ICA1: variants seen among roughly 807,000 people sequenced by gnomAD.
The protein encoded by ICA1 is 69 kDa islet cell autoantigen.
In ICA1, 40 loss-of-function variants were observed where a neutral mutation model predicts 71.0. The ratio of observed to expected loss-of-function variants is 0.56; its 90% CI spans 0.44 to 0.73. ICA1 has a LOEUF of 0.73. ICA1 is among the 30% of genes least tolerant of loss of function. The pLI is 0.00. For missense variants in ICA1, 578 were observed against 576.5 expected, an observed-to-expected ratio of 1.00 and a Z score of -0.03; for synonymous variants, 207 against 209.5, an observed-to-expected ratio of 0.99 and a Z score of 0.10.
intron 8 of ICA1, among the ~76,000 whole-genome samples, chr7:8,148,042 G>A (rs918718162): frequency 2.0e-5 from 3 of 152,110 alleles, no homozygotes; most frequent in Admixed American, 2.0e-4. Flanking sequence ...GACCTGCTAC[G>A]GGGTGGCATC....
At chr7:8,209,415 C>A (rs894556500) in intron 6 of ICA1, among the ~76,000 whole-genome samples, 14 of 152,116 alleles carry the variant, frequency 9.2e-5, no homozygotes, top group Non-Finnish European at 7.4e-5. Context: ...TAGATGGTAT[C>A]TTCTAGGATG....
chr7:8,170,768 G>A (rs2128231144), intron 6 of ICA1, among the ~76,000 whole-genome samples: 1 of 152,106 alleles, frequency 6.6e-6, no homozygotes, highest in Middle Eastern at 3.4e-3. Context: ...TACACATGCT[G>A]TCCAAGAATG....
chr7:8,156,897 G>C (rs1396961997), intron 8 of ICA1: 1 of 1,521,972 alleles, frequency 6.6e-7, no homozygotes, highest in Non-Finnish European at 8.8e-7. Flanking sequence ...TTGGATTGCA[G>C]TAGATTCTCA....
At chr7:8,230,487 A>G (rs1275744614) in intron 3 of ICA1, among the ~76,000 whole-genome samples, 1 of 152,244 alleles carries the variant, frequency 6.6e-6, no homozygotes, top group Non-Finnish European at 1.5e-5. Flanking sequence ...ACATTTCTGC[A>G]ACAGAAACCT....
intron 13 of ICA1, among the ~76,000 whole-genome samples, chr7:8,118,912 A>G (rs993091453): frequency 3.9e-5 from 6 of 152,216 alleles, no homozygotes; most frequent in Non-Finnish European, 8.8e-5. Flanking sequence ...CTCACGAGCC[A>G]ATGCTGACCT....
chr7:8,227,272 G>C (rs1798877388), intron 4 of ICA1, among the ~76,000 whole-genome samples: 1 of 152,148 alleles, frequency 6.6e-6, no homozygotes, highest in African/African-American at 2.4e-5. Context: ...AGAAAGCAGA[G>C]GTGGAGGCAA....
At chr7:8,194,353 C>T (rs945471396) in intron 6 of ICA1, among the ~76,000 whole-genome samples, 7 of 152,282 alleles carry the variant, frequency 4.6e-5, no homozygotes, top group Admixed American at 3.3e-4. Context: ...TTACTTTTTA[C>T]AAAAGTTCAT....
intron 10 of ICA1, among the ~76,000 whole-genome samples, chr7:8,140,451 C>T (rs1343876429): frequency 6.6e-6 from 1 of 152,240 alleles, no homozygotes; most frequent in Admixed American, 6.5e-5. Flanking sequence ...GTTCCCTGAT[C>T]TCCTAAAAAA....
intron 13 of ICA1, chr7:8,116,555 GATAAGGC>G (rs1437388071): frequency 6.6e-6 from 1 of 152,220 alleles, no homozygotes; most frequent in African/African-American, 2.4e-5. Context: ...TATTGCTATG[GATAAGGC>G]ATCTTTGCTT....
chr7:8,156,249 A>G (rs1209756636), intron 8 of ICA1, among the ~76,000 whole-genome samples: 3 of 152,266 alleles, frequency 2.0e-5, no homozygotes, highest in Non-Finnish European at 4.4e-5. Context: ...GTTTAAAGCA[A>G]AAGAAATGCA....
chr7:8,125,077 C>T (rs1788642698), intron 13 of ICA1, among the ~76,000 whole-genome samples: 1 of 152,146 alleles, frequency 6.6e-6, no homozygotes, highest in Non-Finnish European at 1.5e-5. Flanking sequence ...GTATGAGCCA[C>T]CTTGCCCGGG....
intron 10 of ICA1, among the ~76,000 whole-genome samples, chr7:8,140,858 T>C (rs1031850145): frequency 1.3e-5 from 2 of 151,936 alleles, no homozygotes; most frequent in Admixed American, 6.6e-5. Context: ...AAAAGGAAGA[T>C]AGAGGGTGAA....
At chr7:8,178,169 C>A (rs1781162015) in intron 6 of ICA1, among the ~76,000 whole-genome samples, 1 of 152,190 alleles carries the variant, frequency 6.6e-6, no homozygotes, top group African/African-American at 2.4e-5. Context: ...CATCCCCTTC[C>A]ATGTTGTTCC....
chr7:8,233,751 G>A (rs929372846), intron 2 of ICA1, among the ~76,000 whole-genome samples: 1 of 152,054 alleles, frequency 6.6e-6, no homozygotes, highest in African/African-American at 2.4e-5. Flanking sequence ...TAAGACGGTT[G>A]ACTTCATGTT....
intron 12 of ICA1, among the ~76,000 whole-genome samples, chr7:8,129,849 C>T: frequency 8.1e-6 from 1 of 123,698 alleles, no homozygotes; most frequent in Non-Finnish European, 1.7e-5. Flanking sequence ...GGTATCCCTC[C>T]CCCCTCCCCC....
intron 1 of ICA1, among the ~76,000 whole-genome samples, chr7:8,259,121 T>C (rs1811310832): frequency 6.6e-6 from 1 of 152,178 alleles, no homozygotes; most frequent in Non-Finnish European, 1.5e-5. Flanking sequence ...AGCCCCCAAA[T>C]GATTCTCTGG....
rs1796344209 is a variant in ICA1, at chr7:8,144,846, G to C, written c.805-874C>G. 6.6e-6 allele frequency among the ~76,000 whole-genome samples: 1 copy of C among 152,130 alleles called. No individual in the cohort carries two copies. The highest frequency in any genetic ancestry group is 1.5e-5 in the Non-Finnish European group (1 of 68,022). On this transcript the variant is annotated intron_variant, in intron 8 of 13. Transcript: ENST00000402384. The surrounding 1 kb of genome is among the most constrained non-coding windows in gnomAD (Gnocchi z 4.5). ...TATTCTCAGAACTACTAAAATCCAA[G>C]TCATGAGCCTGGGGCCTTCACCTTG...
intron 3 of ICA1, among the ~76,000 whole-genome samples, chr7:8,230,210 A>G (rs1799834239): frequency 6.6e-6 from 1 of 152,228 alleles, no homozygotes; most frequent in African/African-American, 2.4e-5. Context: ...GTTTTTCAGA[A>G]AAGGATTTCA....
chr7:8,180,773 T>C (rs551611014), intron 6 of ICA1, among the ~76,000 whole-genome samples: 1 of 152,172 alleles, frequency 6.6e-6, no homozygotes, highest in African/African-American at 2.4e-5. Flanking sequence ...GATATTTCCT[T>C]TTGTCAAGTA....
Sources: gnomAD v4.1 joint callset for allele counts (sites outside exome capture counted in the v4.1 genomes callset) on GRCh38, gnomAD v4.1.1 for gene constraint, Gnocchi (gnomAD v3.1) non-coding constraint, MANE v1.5 for transcripts, NCBI Gene and HGNC (gene_info 2026-07-23, HGNC 2026-07-21) for gene names.